The following PLXDC2 variants were observed in gnomAD, a reference collection of about 807,000 sequenced individuals.
PLXDC2 encodes plexin domain-containing protein 2.
Under a neutral mutation model 68.9 loss-of-function variants are expected in PLXDC2, and 40 were observed. The ratio of observed to expected loss-of-function variants is 0.58; its 90% confidence interval spans 0.45 to 0.76. The LOEUF (loss-of-function observed/expected upper bound fraction) is 0.76, where lower values mean the gene tolerates loss of function less well. Among genes scored for constraint, PLXDC2 ranks in the 30% least tolerant of loss-of-function variants. PLXDC2 has a pLI of 0.00. For missense variants in PLXDC2, 644 were observed against 661.9 expected (o/e 0.97, Z 0.30); for synonymous variants, 243 against 234.2 (o/e 1.04, Z -0.34).
chr10:20,043,624 T>C (rs972054400), intron 2 of PLXDC2, among the ~76,000 whole-genome samples: 1 of 152,122 alleles, frequency 6.6e-6, no homozygotes, highest in African/African-American at 2.4e-5. Context: ...TAGGGAAATT[T>C]TGCAGCATCA....
At chr10:19,874,242 A>G (rs1379213703) in intron 1 of PLXDC2, among the ~76,000 whole-genome samples, 2 of 152,206 alleles carry the variant, frequency 1.3e-5, no homozygotes, top group Admixed American at 6.5e-5. Context: ...GGAAAACGAC[A>G]TGCAGTAGAC....
At chr10:19,835,129 T>C (rs1409072393) in intron 1 of PLXDC2, among the ~76,000 whole-genome samples, 2 of 152,108 alleles carry the variant, frequency 1.3e-5, no homozygotes, top group Admixed American at 1.3e-4. Context: ...GGCACAAGAT[T>C]AGGAAGGGCC....
At chr10:20,004,238 C>T (rs1273553559) in intron 2 of PLXDC2, among the ~76,000 whole-genome samples, 3 of 152,286 alleles carry the variant, frequency 2.0e-5, no homozygotes, top group Middle Eastern at 3.4e-3. Flanking sequence ...ATTTCTCAAA[C>T]CCCACTCCAT....
chr10:19,892,911 T>A (rs187623787), intron 1 of PLXDC2, among the ~76,000 whole-genome samples: 2 of 150,866 alleles, frequency 1.3e-5, no homozygotes, highest in Non-Finnish European at 2.9e-5. Flanking sequence ...GTTGGCCTAG[T>A]TGAAATGGTC....
intron 9 of PLXDC2, among the ~76,000 whole-genome samples, chr10:20,202,652 G>A (rs1485511717): frequency 2.6e-5 from 4 of 152,178 alleles, no homozygotes; most frequent in African/African-American, 9.6e-5. Flanking sequence ...GATAGAAATT[G>A]GATTTCACTG....
intron 10 of PLXDC2, among the ~76,000 whole-genome samples, chr10:20,215,611 G>T (rs968990468): frequency 4.6e-5 from 7 of 152,036 alleles, no homozygotes; most frequent in Admixed American, 2.0e-4. Context: ...GTAGAGAAAG[G>T]ACTATGATCA....
Position 20,046,870 on chromosome 10 carries a change from A to T in PLXDC2, c.326A>T (p.Glu109Val), listed in dbSNP as rs1835806907. The change falls in exon 3 of 14, where the codon GAG becomes GTG. Residue 109 changes from glutamate (E) to valine (V), a missense_variant and splice_region_variant. Around this residue, in one of 3 missense-constraint regions of PLXDC2, gnomAD observed 201 missense variants for 166.9 expected, o/e 1.20. Transcript: ENST00000377252. Reference protein sequence around the residue: ...DGQDNNTQIEEDTDHNYYISR... With the variant: ...DGQDNNTQIEVDTDHNYYISR... ...ATACATTATTATCTATTATTGCAGG[A>T]GGATACAGACCACAATTACTATATA... 1 of 1,603,382 alleles carries T rather than the reference A, an allele frequency of 6.2e-7. No homozygotes were observed. Among genetic ancestry groups the T allele is most frequent in the African/African-American group, 1.3e-5 (1 of 74,496 alleles).
At chr10:20,177,281 C>T (rs770448367) in intron 8 of PLXDC2, 47 bp from the exon 9 acceptor site, 2 of 1,477,072 alleles carry the variant, frequency 1.4e-6, no homozygotes, top group Non-Finnish European at 1.9e-6. Context: ...CTTTCCCCTC[C>T]AAGTTGCCTG....
chr10:19,841,868 G>T (rs896478485), intron 1 of PLXDC2, among the ~76,000 whole-genome samples: 1 of 151,790 alleles, frequency 6.6e-6, no homozygotes, highest in Non-Finnish European at 1.5e-5. Flanking sequence ...TAGTATATAC[G>T]TACATAGCAG....
intron 7 of PLXDC2, among the ~76,000 whole-genome samples, chr10:20,176,680 T>C (rs1288954941): frequency 6.6e-6 from 1 of 152,144 alleles, no homozygotes; most frequent in Admixed American, 6.6e-5. Flanking sequence ...CTTGATTTCA[T>C]GAGTCAAAAT....
chr10:19,826,031 T>A (rs1229912848), intron 1 of PLXDC2, among the ~76,000 whole-genome samples: 1 of 152,226 alleles, frequency 6.6e-6, no homozygotes, highest in Non-Finnish European at 1.5e-5. Flanking sequence ...ATAAATTACA[T>A]AAATGCAATC....
intron 1 of PLXDC2, among the ~76,000 whole-genome samples, chr10:19,976,596 C>T (rs1489942591): frequency 6.6e-6 from 1 of 152,168 alleles, no homozygotes. Context: ...CATCAGCGTA[C>T]AAAAATTTCA....
intron 4 of PLXDC2, among the ~76,000 whole-genome samples, chr10:20,117,541 G>A (rs1214696041): frequency 6.6e-6 from 1 of 152,106 alleles, no homozygotes; most frequent in African/African-American, 2.4e-5. Context: ...GACATAACAA[G>A]GAAACATGGA....
At chr10:19,850,562 A>G in intron 1 of PLXDC2, among the ~76,000 whole-genome samples, 1 of 152,158 alleles carries the variant, frequency 6.6e-6, no homozygotes, top group South Asian at 2.1e-4. Context: ...GAGAGACCCA[A>G]CTAATCGTCT....
At chr10:19,838,015 T>C (rs1231013468) in intron 1 of PLXDC2, among the ~76,000 whole-genome samples, 1 of 152,202 alleles carries the variant, frequency 6.6e-6, no homozygotes, top group Non-Finnish European at 1.5e-5. Context: ...TTATTTATTT[T>C]TGAGACAGGG....
Position 20,112,570 on chromosome 10 carries a change from A to G in PLXDC2, c.542-30725A>G, listed in dbSNP as rs181246038. 6.0e-4 allele frequency among the ~76,000 whole-genome samples: 92 copies of G among 152,282 alleles called. 1 individual carries two copies. The highest frequency in any genetic ancestry group is 2.1e-3 in the African/African-American group (87 of 41,556). ...GACCTTTTTAATTTGTTAAGCTGTC[A>G]TATTTGTTCATCTGTATTAAGTTGG... On this transcript the variant is annotated intron_variant, in intron 4 of 13. Coordinates refer to ENST00000377252, the MANE Select transcript of PLXDC2 (RefSeq NM_032812.9).
intron 4 of PLXDC2, among the ~76,000 whole-genome samples, chr10:20,103,648 C>CTT (rs35831990): frequency 9.3e-5 from 13 of 139,144 alleles, no homozygotes; most frequent in Admixed American, 2.2e-4. Context: ...TTTTTTTTTT[C>CTT]TTTTTTTTTT....
intron 1 of PLXDC2, among the ~76,000 whole-genome samples, chr10:19,940,951 G>A (rs1283302318): frequency 1.3e-5 from 2 of 152,156 alleles, no homozygotes; most frequent in African/African-American, 4.8e-5. Context: ...TCATTTACTT[G>A]CAGACCTAAA....
At chr10:20,155,595 T>G (rs1001745443) in intron 6 of PLXDC2, among the ~76,000 whole-genome samples, 5 of 152,186 alleles carry the variant, frequency 3.3e-5, no homozygotes, top group Non-Finnish European at 7.4e-5. Context: ...ATCATAGGAC[T>G]TCCCTATATT....
Sources: gnomAD v4.1 joint callset for allele counts (sites outside exome capture counted in the v4.1 genomes callset) on GRCh38, gnomAD v4.1.1 for gene constraint, gnomAD v4.1.1 regional missense constraint, MANE v1.5 for transcripts, NCBI Gene and HGNC (gene_info 2026-07-23, HGNC 2026-07-21) for gene names.